The following TAFA2 variants were observed in gnomAD, a reference collection of about 807,000 sequenced individuals.
The protein encoded by TAFA2 is chemokine-like protein TAFA-2.
TAFA2 carries 7 observed loss-of-function variants against 18.8 expected under a neutral mutation model. That is an observed-to-expected ratio of 0.37 (90% CI 0.21 to 0.70). The LOEUF is 0.70. Ranked by LOEUF, TAFA2 falls within the 30% of genes least tolerant of loss-of-function variation. The probability of loss-of-function intolerance (pLI) is 0.53; values close to 1 mark genes in which losing one functional copy is unlikely to be tolerated. For missense variants in TAFA2, 122 were observed against 158.1 expected (o/e 0.77, Z 1.23); for synonymous variants, 60 against 54.2 (o/e 1.11, Z -0.47).
At chr12:61,940,127 A>G (rs996302583) in intron 1 of TAFA2, among the ~76,000 whole-genome samples, 3 of 152,244 alleles carry the variant, frequency 2.0e-5, no homozygotes, top group Admixed American at 1.3e-4. Context: ...CACTGTGGTT[A>G]CCTTATAGTA....
intron 4 of TAFA2, among the ~76,000 whole-genome samples, chr12:61,729,735 T>A (rs1247651034): frequency 6.6e-6 from 1 of 152,146 alleles, no homozygotes; most frequent in Admixed American, 6.5e-5. Context: ...TTCAGAGATT[T>A]CTTCTTGATT....
At chr12:61,981,236 CT>C (rs1484763189) in intron 1 of TAFA2, among the ~76,000 whole-genome samples, 3 of 152,128 alleles carry the variant, frequency 2.0e-5, no homozygotes, top group Non-Finnish European at 2.9e-5. Context: ...ATAAATGGTG[CT>C]GGGAAACTGG....
intron 1 of TAFA2, among the ~76,000 whole-genome samples, chr12:62,077,109 C>T (rs1868254608): frequency 6.6e-6 from 1 of 152,102 alleles, no homozygotes; most frequent in African/African-American, 2.4e-5. Flanking sequence ...AGGAATTATT[C>T]AACACCAGAT....
chr12:61,734,405 C>T (rs1868269816), intron 4 of TAFA2, among the ~76,000 whole-genome samples: 1 of 149,044 alleles, frequency 6.7e-6, no homozygotes. Context: ...AGGAGATATA[C>T]CTAATACTAA....
intron 1 of TAFA2, among the ~76,000 whole-genome samples, chr12:62,136,987 C>A (rs1870921183): frequency 2.0e-5 from 3 of 152,116 alleles, no homozygotes; most frequent in African/African-American, 7.2e-5. Context: ...CCTCCATCCT[C>A]CACCCCCATC....
chr12:61,976,801 G>T (rs1274640421), intron 1 of TAFA2, among the ~76,000 whole-genome samples: 1 of 152,044 alleles, frequency 6.6e-6, no homozygotes, highest in African/African-American at 2.4e-5. Flanking sequence ...GCGATAGTTT[G>T]CTCAGAATGA....
intron 1 of TAFA2, among the ~76,000 whole-genome samples, chr12:62,045,803 G>A (rs990882758): frequency 3.3e-5 from 5 of 152,052 alleles, no homozygotes; most frequent in South Asian, 2.1e-4. Flanking sequence ...AGAACAGTAT[G>A]AGGGAAACTT....
intron 2 of TAFA2, among the ~76,000 whole-genome samples, chr12:61,859,830 G>A (rs975868593): frequency 1.3e-5 from 2 of 152,204 alleles, no homozygotes; most frequent in Non-Finnish European, 2.9e-5. Flanking sequence ...GCGACTCTGA[G>A]GGGCTGACGA....
At chr12:61,728,034 T>G (rs1030915660) in intron 4 of TAFA2, among the ~76,000 whole-genome samples, 3,294 of 104,640 alleles carry the variant, frequency 0.031, 114 homozygotes, top group African/African-American at 0.13. Context: ...TGAGGGTTGT[T>G]TTTTTTTTTT....
At chr12:62,138,468 C>T (rs898754734) in intron 1 of TAFA2, among the ~76,000 whole-genome samples, 1 of 152,092 alleles carries the variant, frequency 6.6e-6, no homozygotes, top group African/African-American at 2.4e-5. Context: ...GGAATTGTTG[C>T]CTGATAGTTT....
intron 2 of TAFA2, 45 bp from the exon 3 acceptor site, chr12:61,755,069 C>T: frequency 1.3e-6 from 2 of 1,591,096 alleles, no homozygotes; most frequent in Non-Finnish European, 1.7e-6. Context: ...AAGCTTTGGA[C>T]ACTTCCCCCC....
intron 1 of TAFA2, among the ~76,000 whole-genome samples, chr12:61,943,932 C>T (rs1878152226): frequency 6.9e-6 from 1 of 145,320 alleles, no homozygotes; most frequent in Admixed American, 6.9e-5. Flanking sequence ...AGGAATTAAA[C>T]TCAGCTCTGC....
At chr12:62,088,614 TAAA>T (rs139428735) in intron 1 of TAFA2, among the ~76,000 whole-genome samples, 11 of 104,454 alleles carry the variant, frequency 1.1e-4, no homozygotes, top group East Asian at 2.7e-4. Flanking sequence ...TGGACCACAT[TAAA>T]AAAAAAAAAA....
At chr12:62,219,472 C>T (rs983835687) in intron 1 of TAFA2, among the ~76,000 whole-genome samples, 2 of 152,038 alleles carry the variant, frequency 1.3e-5, no homozygotes, top group African/African-American at 4.8e-5. Flanking sequence ...TCACATAAAC[C>T]TGAATTTTTG....
chr12:62,217,607 A>G (rs1376937186), intron 1 of TAFA2, among the ~76,000 whole-genome samples: 1 of 152,212 alleles, frequency 6.6e-6, no homozygotes, highest in Non-Finnish European at 1.5e-5. Context: ...ATCCAGATGT[A>G]AAGTTATAAG....
chr12:62,144,733 A>G (rs1230902114), intron 1 of TAFA2, among the ~76,000 whole-genome samples: 4 of 152,138 alleles, frequency 2.6e-5, no homozygotes. Context: ...GTAGAACCCA[A>G]CCTATGTCCT....
intron 1 of TAFA2, among the ~76,000 whole-genome samples, chr12:62,214,418 C>A (rs903310106): frequency 6.6e-5 from 10 of 152,184 alleles, no homozygotes; most frequent in African/African-American, 2.4e-4. Context: ...CTTCCTTCTG[C>A]CATGATTGTG....
At chr12:62,256,837 T>C (rs934426167) in intron 1 of TAFA2, among the ~76,000 whole-genome samples, 3 of 152,190 alleles carry the variant, frequency 2.0e-5, no homozygotes, top group African/African-American at 7.2e-5. Flanking sequence ...CATGCTATTT[T>C]GGTGTTTGCA....
intron 1 of TAFA2, among the ~76,000 whole-genome samples, chr12:62,072,003 A>C (rs182244079): frequency 6.6e-6 from 1 of 152,358 alleles, no homozygotes; most frequent in Admixed American, 6.5e-5. Context: ...CAAGGCAACT[A>C]AACTTCTTAC....
Sources: allele counts gnomAD v4.1 joint callset (sites outside exome capture counted in the v4.1 genomes callset), GRCh38; gene constraint gnomAD v4.1.1; transcripts MANE v1.5; gene names NCBI Gene and HGNC (gene_info 2026-07-23, HGNC 2026-07-21).